Variants in MYO3A observed in about 807,000 individuals in gnomAD.
MYO3A encodes myosin-IIIa.
In MYO3A, 180 loss-of-function variants were observed where a neutral mutation model predicts 192.7. The ratio of observed to expected loss-of-function variants is 0.93; its 90% confidence interval spans 0.83 to 1.06. The LOEUF (loss-of-function observed/expected upper bound fraction) is 1.06, where lower values mean the gene tolerates loss of function less well. Among genes scored for constraint, MYO3A ranks in the 50% least tolerant of loss-of-function variants. The probability of loss-of-function intolerance (pLI) is 0.00; values close to 1 mark genes in which losing one functional copy is unlikely to be tolerated. For missense variants in MYO3A, 1,896 were observed against 1,905.0 expected (o/e 1.00, Z 0.09); for synonymous variants, 628 against 645.3 (o/e 0.97, Z 0.41).
intron 6 of MYO3A, among the ~76,000 whole-genome samples, chr10:26,011,043 C>G (rs191864982): frequency 6.6e-6 from 1 of 152,270 alleles, no homozygotes; most frequent in Non-Finnish European, 1.5e-5. Flanking sequence ...CAGCATCTCA[C>G]TCTGTCACCC....
At chr10:26,090,725 A>G (rs1836650157) in intron 15 of MYO3A, among the ~76,000 whole-genome samples, 1 of 152,234 alleles carries the variant, frequency 6.6e-6, no homozygotes, top group Non-Finnish European at 1.5e-5. Flanking sequence ...ATTTAATTGC[A>G]CTGTTATCAA....
chr10:26,039,109 C>T (rs560726300), intron 10 of MYO3A, among the ~76,000 whole-genome samples: 32 of 151,712 alleles, frequency 2.1e-4, no homozygotes, highest in Middle Eastern at 3.4e-3. Context: ...GGCGTGATCT[C>T]GGCTCACCAC....
chr10:26,191,999 C>T (rs1167397041), intron 31 of MYO3A, among the ~76,000 whole-genome samples: 1 of 152,088 alleles, frequency 6.6e-6, no homozygotes, highest in Non-Finnish European at 1.5e-5. Context: ...CAATAAGTAC[C>T]ATACCCAACT....
In MYO3A at chr10:26,091,115, G is replaced by C. The variant is rs147658539; in HGVS notation, c.1562+2710G>C. Among the ~76,000 whole-genome samples, 222 of 152,336 alleles carry C rather than the reference G, an allele frequency of 1.5e-3. 3 individuals carry two copies. The highest frequency in any genetic ancestry group is 5.0e-3 in the African/African-American group (207 of 41,570). On this transcript the variant is annotated intron_variant, in intron 15 of 34. Coordinates refer to ENST00000642920, the MANE Select transcript of MYO3A (RefSeq NM_017433.5). ...GAGCCCAAGAATTGCAGGCTGTAGG[G>C]ATTGGCCCTTGGGGTCCCAGAGCAA...
intron 14 of MYO3A, among the ~76,000 whole-genome samples, chr10:26,073,344 G>C (rs977649701): frequency 3.9e-5 from 6 of 151,974 alleles, no homozygotes; most frequent in Non-Finnish European, 7.4e-5. Flanking sequence ...GGCCAAGGCG[G>C]GTGGATCAAG....
At chr10:26,050,053 T>A (rs1843897035) in intron 10 of MYO3A, among the ~76,000 whole-genome samples, 2 of 152,112 alleles carry the variant, frequency 1.3e-5, no homozygotes, top group African/African-American at 4.8e-5. Context: ...TACAGAGGAC[T>A]GTAAAAGAAA....
intron 4 of MYO3A, among the ~76,000 whole-genome samples, chr10:25,982,069 G>T (rs1270884952): frequency 1.3e-5 from 2 of 152,098 alleles, no homozygotes; most frequent in African/African-American, 4.8e-5. Flanking sequence ...AGTGAGACTG[G>T]CCTTTAGGAC....
intron 3 of MYO3A, among the ~76,000 whole-genome samples, chr10:25,954,627 CAT>C (rs1285392160): frequency 3.9e-5 from 6 of 152,006 alleles, no homozygotes; most frequent in African/African-American, 1.2e-4. Context: ...ATAAAAATAA[CAT>C]TTTATTTATC....
At chr10:25,997,350 A>T in intron 6 of MYO3A, 92 bp downstream of exon 6, 1 of 985,510 alleles carries the variant, frequency 1.0e-6, no homozygotes, top group Non-Finnish European at 1.6e-6. Context: ...CTTTCTAGGT[A>T]TTGGAAATAG....
chr10:25,994,607 A>G (rs577816457), intron 4 of MYO3A, among the ~76,000 whole-genome samples: 6,516 of 152,214 alleles, frequency 0.043, 177 homozygotes, highest in Middle Eastern at 0.068. Context: ...CCTAGCATCG[A>G]TGGTCTTTAC....
At chr10:25,995,476 T>A (rs1840367404) in intron 4 of MYO3A, among the ~76,000 whole-genome samples, 1 of 152,246 alleles carries the variant, frequency 6.6e-6, no homozygotes, top group South Asian at 2.1e-4. Flanking sequence ...TGGAGAAGTT[T>A]GATCCTCTGT....
chr10:26,064,071 A>G (rs1238876702), intron 10 of MYO3A, among the ~76,000 whole-genome samples: 1 of 152,214 alleles, frequency 6.6e-6, no homozygotes, highest in Non-Finnish European at 1.5e-5. Context: ...ATAGGAGAAG[A>G]CAGAGGACAA....
chr10:26,099,489 A>G (rs61840802), intron 17 of MYO3A, among the ~76,000 whole-genome samples: 44 of 152,288 alleles, frequency 2.9e-4, no homozygotes, highest in African/African-American at 4.8e-4. Context: ...GTCTTGTGCC[A>G]GTTTTCAAAG....
chr10:26,086,223 G>A (rs969091710), intron 14 of MYO3A, among the ~76,000 whole-genome samples: 1 of 152,166 alleles, frequency 6.6e-6, no homozygotes, highest in African/African-American at 2.4e-5. Flanking sequence ...GCAGGAGAGA[G>A]AGAAAGAGGC....
Position 26,166,065 on chromosome 10 carries a change from A to G in MYO3A, c.3000-2A>G. On this transcript the variant is annotated splice_acceptor_variant, in intron 26 of 34. Coordinates refer to ENST00000642920, the MANE Select transcript of MYO3A (RefSeq NM_017433.5). LOFTEE classifies it high-confidence loss of function. Reference sequence around the variant, plus strand: ...CTAACCAGCCCTTTTTTCCATTCCAAGGTACTACCTTCTCTGCTACAAGTC... The same window carrying G: ...CTAACCAGCCCTTTTTTCCATTCCAGGGTACTACCTTCTCTGCTACAAGTC... 1 of 1,613,510 alleles carries G rather than the reference A, an allele frequency of 6.2e-7. No individual in the cohort carries two copies. Among genetic ancestry groups the G allele is most frequent in the Non-Finnish European group, 8.5e-7 (1 of 1,179,416 alleles).
intron 6 of MYO3A, among the ~76,000 whole-genome samples, chr10:26,008,198 G>A (rs1784599618): frequency 6.8e-6 from 1 of 147,724 alleles, no homozygotes; most frequent in South Asian, 2.1e-4. Context: ...AGCTGAAACT[G>A]GATCCCTTCC....
chr10:26,162,618 A>T (rs901990125), intron 26 of MYO3A, among the ~76,000 whole-genome samples: 1 of 152,240 alleles, frequency 6.6e-6, no homozygotes, highest in South Asian at 2.1e-4. Flanking sequence ...GTTTTTTACA[A>T]GACTTCTTTA....
chr10:25,973,326 G>C (rs2130744847), intron 4 of MYO3A, among the ~76,000 whole-genome samples: 1 of 152,214 alleles, frequency 6.6e-6, no homozygotes, highest in African/African-American at 2.4e-5. Flanking sequence ...TTTGCACATT[G>C]ATTTTGTATC....
intron 20 of MYO3A, among the ~76,000 whole-genome samples, chr10:26,138,296 TAGAA>T (rs1445459018): frequency 6.6e-6 from 1 of 152,154 alleles, no homozygotes; most frequent in African/African-American, 2.4e-5. Context: ...TTATGGAAAA[TAGAA>T]AGAACCTACG....
Sources: allele counts gnomAD v4.1 joint callset (sites outside exome capture counted in the v4.1 genomes callset), GRCh38; gene constraint gnomAD v4.1.1; transcripts MANE v1.5; gene names NCBI Gene and HGNC (gene_info 2026-07-23, HGNC 2026-07-21).